USP6NL: variants seen among roughly 807,000 people sequenced by gnomAD.
USP6NL encodes USP6 N-terminal like.
In USP6NL, 26 loss-of-function variants were observed where a neutral mutation model predicts 61.9. The ratio of observed to expected loss-of-function variants is 0.42; its 90% CI spans 0.31 to 0.58. USP6NL has a LOEUF of 0.58. USP6NL is among the 20% of genes least tolerant of loss of function. The probability of loss-of-function intolerance (pLI) is 0.16; values close to 1 mark genes in which losing one functional copy is unlikely to be tolerated. For missense variants in USP6NL, 1,114 were observed against 1,034.3 expected, an observed-to-expected ratio of 1.08 and a Z score of -1.06; for synonymous variants, 432 against 390.1, an observed-to-expected ratio of 1.11 and a Z score of -1.27.
rs1197455953 is a variant in USP6NL, at chr10:11,476,914, C to T, written c.1078+4856G>A. 6.6e-6 allele frequency among the ~76,000 whole-genome samples: 1 copy of T among 152,128 alleles called. No individual in the cohort carries two copies. Among genetic ancestry groups the T allele is most frequent in the Non-Finnish European group, 1.5e-5 (1 of 68,024 alleles). On this transcript the variant is annotated intron_variant, in intron 14 of 14. Transcript: ENST00000609104. The surrounding 1 kb of genome is among the most constrained non-coding windows in gnomAD (Gnocchi z 4.3). ...CAAGACGGAGTCTTGCTCTGTCACC[C>T]AGGCTGAAGTGCAGTGGTGCGATCT...
At chr10:11,519,296 C>A (rs1053760896) in intron 4 of USP6NL, among the ~76,000 whole-genome samples, 1 of 152,160 alleles carries the variant, frequency 6.6e-6, no homozygotes, top group African/African-American at 2.4e-5. Context: ...CTGCCTCCAA[C>A]AGACTTGTGA....
At chr10:11,560,714 T>TTATATATATATATATATATATATATTATA (rs56221814) in intron 2 of USP6NL, among the ~76,000 whole-genome samples, 1 of 141,326 alleles carries the variant, frequency 7.1e-6, no homozygotes, top group Non-Finnish European at 1.5e-5. Context: ...TATATATATA[T>TTATATATATATATATATATATATATTATA]TATATATATA....
intron 2 of USP6NL, among the ~76,000 whole-genome samples, chr10:11,539,793 A>T (rs572516145): frequency 6.6e-6 from 1 of 152,366 alleles, no homozygotes; most frequent in South Asian, 2.1e-4. Flanking sequence ...TAAACTGTTT[A>T]TTGAGAGGTT....
intron 7 of USP6NL, among the ~76,000 whole-genome samples, chr10:11,500,512 T>C (rs911993711): frequency 1.3e-5 from 2 of 152,180 alleles, no homozygotes; most frequent in Non-Finnish European, 2.9e-5. Flanking sequence ...AGAAAGGGTA[T>C]AGCTACGAGA....
At chr10:11,516,405 T>C (rs370598521) in intron 5 of USP6NL, among the ~76,000 whole-genome samples, 1 of 152,188 alleles carries the variant, frequency 6.6e-6, no homozygotes, top group Non-Finnish European at 1.5e-5. Flanking sequence ...AAATGTAAAC[T>C]TTTTTTAATT....
chr10:11,588,268 G>A lies in USP6NL; in HGVS notation c.4+9363C>T, dbSNP rs1164911756. ...CTCAGCTGAATCCTGTACTGGAGGA[G>A]CAAAATGCTGTAAAGCACATCATTG... is the stretch of plus-strand genomic sequence containing the variant. On this transcript the variant is annotated intron_variant, in intron 2 of 14. Transcript: ENST00000609104. Among the ~76,000 whole-genome samples, 4 of 152,232 alleles carry A rather than the reference G, an allele frequency of 2.6e-5. No homozygotes were observed. In the South Asian group the frequency reaches 8.3e-4, roughly 32 times the overall value.
chr10:11,504,039 A>G (rs950721181), intron 6 of USP6NL, among the ~76,000 whole-genome samples: 4 of 152,162 alleles, frequency 2.6e-5, no homozygotes, highest in African/African-American at 9.7e-5. Context: ...CAAAAACTTA[A>G]AAGGAATATA....
rs1043682026 is a variant in USP6NL, at chr10:11,574,814, T to G, written c.4+22817A>C. Among the ~76,000 whole-genome samples the G allele has an allele frequency of 2.0e-5, 3 of 152,230 alleles. No homozygotes were observed. The highest frequency in any genetic ancestry group is 2.0e-4 in the Admixed American group (3 of 15,282). On this transcript the variant is annotated intron_variant, in intron 2 of 14. Transcript: ENST00000609104. This position sits in a 1 kb window ranked among gnomAD's most constrained non-coding sequence, Gnocchi z 4.3. Reference sequence around the variant, plus strand: ...GCTTGTTATTTTCCCATTTTTCAGCTGGACAACTGAGCACAGTGAATCAAC... The same window carrying G: ...GCTTGTTATTTTCCCATTTTTCAGCGGGACAACTGAGCACAGTGAATCAAC...
chr10:11,577,042 T>C (rs904260948), intron 2 of USP6NL, among the ~76,000 whole-genome samples: 1 of 151,736 alleles, frequency 6.6e-6, no homozygotes, highest in African/African-American at 2.4e-5. Flanking sequence ...TAAAAATATA[T>C]AATTTTCCTT....
intron 14 of USP6NL, among the ~76,000 whole-genome samples, chr10:11,480,980 C>T (rs1053664628): frequency 6.6e-6 from 1 of 152,144 alleles, no homozygotes; most frequent in African/African-American, 2.4e-5. Context: ...TGTGATCTTT[C>T]GACATTTTCA....
chr10:11,469,234 T>C (rs901685836), intron 14 of USP6NL, among the ~76,000 whole-genome samples: 12 of 152,232 alleles, frequency 7.9e-5, no homozygotes, highest in African/African-American at 1.9e-4. Flanking sequence ...TCCCTCCCCC[T>C]AGTAGGCTAT....
intron 1 of USP6NL, among the ~76,000 whole-genome samples, chr10:11,604,244 C>A (rs990228253): frequency 6.6e-6 from 1 of 152,158 alleles, no homozygotes; most frequent in Non-Finnish European, 1.5e-5. Flanking sequence ...TTTTTAAGTT[C>A]TCTTTCTAGC....
rs1031668897 is a variant in USP6NL, at chr10:11,468,392, T to C, written c.1079-4543A>G. On this transcript the variant is annotated intron_variant, in intron 14 of 14. Coordinates refer to ENST00000609104, the MANE Select transcript of USP6NL (RefSeq NM_014688.5). The surrounding 1 kb of genome is among the most constrained non-coding windows in gnomAD (Gnocchi z 4.5). Reference sequence around the variant, plus strand: ...TTCAAGTTCCTCCTATCAATATTTATTCAAATGTTCTCATTCTAAAACCTC... The same window carrying C: ...TTCAAGTTCCTCCTATCAATATTTACTCAAATGTTCTCATTCTAAAACCTC... Among the ~76,000 whole-genome samples the C allele has an allele frequency of 1.3e-5, 2 of 152,214 alleles. No homozygotes were observed. The highest frequency in any genetic ancestry group is 2.4e-5 in the African/African-American group (1 of 41,450).
rs1838328206 is a variant in USP6NL, at chr10:11,596,398, G to C, written c.4+1233C>G. Among the ~76,000 whole-genome samples, 1 of 152,010 alleles carries C rather than the reference G, an allele frequency of 6.6e-6. No individual in the cohort carries two copies. Among genetic ancestry groups the C allele is most frequent in the African/African-American group, 2.4e-5 (1 of 41,394 alleles). On this transcript the variant is annotated intron_variant, in intron 2 of 14. Coordinates refer to ENST00000609104, the MANE Select transcript of USP6NL (RefSeq NM_014688.5). The surrounding 1 kb of genome is among the most constrained non-coding windows in gnomAD (Gnocchi z 4.1). ...GCATTTTGGGAGGCTGAGGCGGGCG[G>C]ATCACAAGGTCAGGAGATCGAGACC...
At chr10:11,519,010 G>T (rs527596926) in intron 4 of USP6NL, among the ~76,000 whole-genome samples, 1 of 152,316 alleles carries the variant, frequency 6.6e-6, no homozygotes, top group South Asian at 2.1e-4. Flanking sequence ...CTTCTCGCAA[G>T]ATAAATATTT....
chr10:11,475,545 G>A (rs916596590), intron 14 of USP6NL, among the ~76,000 whole-genome samples: 14 of 141,970 alleles, frequency 9.9e-5, no homozygotes, highest in African/African-American at 2.6e-4. Flanking sequence ...GCAGTGAGCC[G>A]AGATCGTGCC....
At chr10:11,547,214 A>G (rs1335536119) in intron 2 of USP6NL, among the ~76,000 whole-genome samples, 1 of 152,246 alleles carries the variant, frequency 6.6e-6, no homozygotes, top group South Asian at 2.1e-4. Context: ...ACAGGGGCTC[A>G]ATGTCCACTA....
chr10:11,588,000 A>G lies in USP6NL; in HGVS notation c.4+9631T>C, dbSNP rs1045092015. 9.9e-5 allele frequency among the ~76,000 whole-genome samples: 15 copies of G among 152,250 alleles called. No individual in the cohort carries two copies. Among genetic ancestry groups the G allele is most frequent in the Admixed American group, 8.5e-4 (13 of 15,288 alleles). Reference sequence around the variant, plus strand: ...GAAGGAAATCTAGAGATCACCAGGCAGTCTTCCTTTCTCTTGAAGGCAGGC... The same window carrying G: ...GAAGGAAATCTAGAGATCACCAGGCGGTCTTCCTTTCTCTTGAAGGCAGGC... On this transcript the variant is annotated intron_variant, in intron 2 of 14. Coordinates refer to ENST00000609104, the MANE Select transcript of USP6NL (RefSeq NM_014688.5). The surrounding 1 kb of genome is among the most constrained non-coding windows in gnomAD (Gnocchi z 4.5).
In USP6NL at chr10:11,597,766, T is replaced by C. The variant is rs1838378594; in HGVS notation, c.-83-49A>G. 1.6e-6 allele frequency: 1 copy of C among 627,210 alleles called. No individual in the cohort carries two copies. The highest frequency in any genetic ancestry group is 1.9e-5 in the African/African-American group (1 of 53,324). The allele number at this position is 627,210 out of a possible 1,614,324, so 38.9% of individuals were successfully genotyped here. ...AAATAGTATTTTCTAGAGGTCAATA[T>C]TTAAAATAAAGTTTTCTTAAAGAAA... On this transcript the variant is annotated intron_variant, in intron 1 of 14. Transcript: ENST00000609104. The surrounding 1 kb of genome is among the most constrained non-coding windows in gnomAD (Gnocchi z 4.6).
Sources: gnomAD v4.1 joint callset for allele counts (sites outside exome capture counted in the v4.1 genomes callset) on GRCh38, gnomAD v4.1.1 for gene constraint, Gnocchi (gnomAD v3.1) non-coding constraint, MANE v1.5 for transcripts, NCBI Gene and HGNC (gene_info 2026-07-23, HGNC 2026-07-21) for gene names.